The following LGALS3 variants were observed in gnomAD, a reference collection of about 807,000 sequenced individuals.
LGALS3 encodes the protein galectin 3.
A neutral mutation model predicts 20.7 loss-of-function variants in LGALS3; 18 were observed. The ratio of observed to expected loss-of-function variants is 0.87; its 90% confidence interval spans 0.60 to 1.29. LGALS3 has a LOEUF of 1.29. LGALS3 is among the 50% of genes most tolerant of loss of function. LGALS3 has a pLI of 0.00. For synonymous variants in LGALS3, 112 were observed against 119.6 expected (o/e 0.94, Z 0.42); for missense variants, 315 against 314.7 (o/e 1.00, Z -0.01).
chr14:55,137,108 TG>T, intron 1 of LGALS3: 1 of 563,070 alleles, frequency 1.8e-6, no homozygotes, highest in South Asian at 2.1e-5. Flanking sequence ...GGGCAGTTAG[TG>T]GGGACAGAGG....
At chr14:55,134,279 A>G (rs1234932356) in intron 1 of LGALS3, among the ~76,000 whole-genome samples, 2 of 152,238 alleles carry the variant, frequency 1.3e-5, no homozygotes, top group Admixed American at 6.5e-5. Flanking sequence ...GAAGCCAGCA[A>G]TGCTGCTGAA....
Position 55,138,208 on chromosome 14 carries a change from G to A in LGALS3, c.182G>A (p.Gly61Asp). Reference protein sequence around the residue: ...PGAYPGQAPPGAYPGAPGAYP... With the variant: ...PGAYPGQAPPDAYPGAPGAYP... ...GCTTATCCTGGACAGGCACCTCCAG[G>A]CGCCTACCCTGGAGCACCTGGAGCT... Residue 61 changes from glycine (G) to aspartate (D), a missense_variant, in exon 3 of 6, where the codon GGC becomes GAC. By Grantham distance (94) the Gly-to-Asp change is moderately conservative. Transcript: ENST00000254301. The A allele has an allele frequency of 6.2e-7, 1 of 1,612,964 alleles. No homozygotes were observed. Among genetic ancestry groups the A allele is most frequent in the Non-Finnish European group, 8.5e-7 (1 of 1,179,468 alleles).
At chr14:55,133,908 G>A (rs932893695) in intron 1 of LGALS3, among the ~76,000 whole-genome samples, 2 of 152,154 alleles carry the variant, frequency 1.3e-5, no homozygotes, top group African/African-American at 4.8e-5. Flanking sequence ...CCCTTTATAA[G>A]GCAAATTCAG....
intron 1 of LGALS3, among the ~76,000 whole-genome samples, chr14:55,135,961 A>G (rs542743598): frequency 2.6e-4 from 39 of 152,168 alleles, no homozygotes; most frequent in Non-Finnish European, 5.0e-4. Flanking sequence ...CAGGTGGGCA[A>G]ATCAAAGAGA....
In LGALS3 at chr14:55,145,391, T is replaced by A. The variant is rs753744803; in HGVS notation, c.*120T>A. On this transcript the variant is annotated 3_prime_UTR_variant, in exon 6 of 6. Coordinates refer to ENST00000254301, the MANE Select transcript of LGALS3 (RefSeq NM_002306.4). ...AATATCCCTCTTGTAAGTCATCTAC[T>A]TAATAAATATTACAGTGAATTACCT... is the stretch of plus-strand genomic sequence containing the variant. The A allele has an allele frequency of 6.6e-7, 1 of 1,513,922 alleles. No individual in the cohort carries two copies. The highest frequency in any genetic ancestry group is 1.2e-5 in the South Asian group (1 of 84,326). 93.8% of individuals were successfully genotyped at this position (1,513,922 alleles called of 1,614,324 possible). A position where few individuals can be genotyped will look rare whatever the true frequency, so the allele number is the denominator to read the frequency against.
chr14:55,130,280 G>T (rs1881187398), intron 1 of LGALS3, among the ~76,000 whole-genome samples: 1 of 152,228 alleles, frequency 6.6e-6, no homozygotes, highest in South Asian at 2.1e-4. Flanking sequence ...GGGACGCATG[G>T]TGGAGGCTGG....
At chr14:55,133,884 G>A (rs77320652) in intron 1 of LGALS3, among the ~76,000 whole-genome samples, 1,699 of 152,280 alleles carry the variant, frequency 0.011, 32 homozygotes, top group African/African-American at 0.039. Flanking sequence ...AATTTGAATA[G>A]AGTTATGTTA....
intron 2 of LGALS3, 182 bp downstream of exon 2, chr14:55,137,573 A>T: frequency 6.6e-7 from 1 of 1,518,564 alleles, no homozygotes; most frequent in Non-Finnish European, 8.8e-7. Flanking sequence ...TTTGGGAAGA[A>T]AGCCAGGCAG....
Position 55,138,329 on chromosome 14 carries a change from C to T in LGALS3, c.303C>T (p.Tyr101=). The change falls in exon 3 of 6, where the codon TAC becomes TAT. Residue 101 remains tyrosine (Y), a synonymous_variant. Coordinates refer to ENST00000254301, the MANE Select transcript of LGALS3 (RefSeq NM_002306.4). ...GACAGCCAAGTGCCACCGGAGCCTA[C>T]CCTGCCACTGGCCCCTATGGCGCCC... ...SSGQPSATGA[Y]PATGPYGAPA... 1 of 1,612,802 alleles carries T rather than the reference C, an allele frequency of 6.2e-7. No homozygotes were observed. Among genetic ancestry groups the T allele is most frequent in the Non-Finnish European group, 8.5e-7 (1 of 1,179,896 alleles).
At position 55,129,381 on chromosome 14, in the gene LGALS3, G is replaced by C. The variant is rs1349609693; in HGVS notation, c.-5+81G>C. On this transcript the variant is annotated intron_variant, in intron 1 of 5. Transcript: ENST00000254301. The surrounding 1 kb of genome is among the most constrained non-coding windows in gnomAD (Gnocchi z 5.3). ...CCGGGCGCTGCTTGGGGCGCGGTCC[G>C]GAGAGGGTTCGGCTCCCCGGGACCG... 6.6e-6 allele frequency: 1 copy of C among 152,074 alleles called. No individual in the cohort carries two copies. 9.4% of individuals were successfully genotyped at this position (152,074 alleles called of 1,614,324 possible).
intron 1 of LGALS3, among the ~76,000 whole-genome samples, chr14:55,135,560 GTTTT>G (rs762172869): frequency 3.8e-5 from 4 of 106,558 alleles, no homozygotes; most frequent in African/African-American, 1.3e-4. Flanking sequence ...ATATTTTATG[GTTTT>G]TTTTTTTTTT....
intron 3 of LGALS3, among the ~76,000 whole-genome samples, chr14:55,138,824 A>G (rs1881517051): frequency 1.3e-5 from 2 of 152,042 alleles, no homozygotes; most frequent in Admixed American, 6.6e-5. Context: ...GTTTTGAAAA[A>G]CCTTCTAAAG....
At chr14:55,137,284 C>A in intron 1 of LGALS3, 86 bp from the exon 2 acceptor site, 1 of 1,251,792 alleles carries the variant, frequency 8.0e-7, no homozygotes, top group Non-Finnish European at 1.2e-6. Flanking sequence ...TGGATTAGAA[C>A]TGCACAATGA....
In LGALS3 at chr14:55,145,139, C is replaced by T. The variant is rs1329438905; in HGVS notation, c.621C>T (p.Asp207=). The T allele has an allele frequency of 2.5e-6, 4 of 1,613,708 alleles. No individual in the cohort carries two copies. The Admixed American group carries it at 5.0e-5, about 20-fold the overall frequency. The part of the protein sequence containing the change: ...PFKIQVLVEP[D]HFKVAVNDAH... ...AGATACAAGTACTGGTTGAACCTGA[C>T]CACTTCAAGGTTGCAGTGAATGATG... Residue 207 remains aspartate (D), a synonymous_variant, in exon 6 of 6, where the codon GAC becomes GAT. Coordinates refer to ENST00000254301, the MANE Select transcript of LGALS3 (RefSeq NM_002306.4).
chr14:55,131,453 A>G (rs1881229513), intron 1 of LGALS3, among the ~76,000 whole-genome samples: 1 of 152,092 alleles, frequency 6.6e-6, no homozygotes, highest in Non-Finnish European at 1.5e-5. Flanking sequence ...TGCAGCCAAG[A>G]CCTTTGTTCA....
intron 4 of LGALS3, 37 bp downstream of exon 4, chr14:55,140,400 T>A: frequency 7.3e-7 from 1 of 1,367,132 alleles, no homozygotes; most frequent in Non-Finnish European, 1.0e-6. Context: ...ACTCTATTTG[T>A]AGATTGGTTT....
intron 3 of LGALS3, 200 bp downstream of exon 3, chr14:55,138,568 C>T (rs1202265712): frequency 5.6e-6 from 4 of 713,190 alleles, no homozygotes; most frequent in Admixed American, 2.1e-5. Flanking sequence ...TTTGAAGGCA[C>T]TGATAAAACT....
At chr14:55,133,113 ATGAG>A (rs1566780127) in intron 1 of LGALS3, among the ~76,000 whole-genome samples, 1 of 152,230 alleles carries the variant, frequency 6.6e-6, no homozygotes, top group Non-Finnish European at 1.5e-5. Context: ...GTAGTTACAG[ATGAG>A]TAAGTCAGAG....
In LGALS3 at chr14:55,134,106, G is replaced by C. The variant is rs1015011426; in HGVS notation, c.-4-3264G>C. On this transcript the variant is annotated intron_variant, in intron 1 of 5. Transcript: ENST00000254301. ...TTTTGGTAGAGACTGGGGTTTTGCT[G>C]TATTGCCCAGGCTGGTCTTGAACTC... Among the ~76,000 whole-genome samples the C allele has an allele frequency of 2.0e-5, 3 of 152,254 alleles. 1 individual carries two copies. Among genetic ancestry groups the C allele is most frequent in the African/African-American group, 7.2e-5 (3 of 41,552 alleles).
Sources: allele counts gnomAD v4.1 joint callset (sites outside exome capture counted in the v4.1 genomes callset), GRCh38; gene constraint gnomAD v4.1.1; non-coding constraint Gnocchi (gnomAD v3.1); transcripts MANE v1.5; gene names NCBI Gene and HGNC (gene_info 2026-07-23, HGNC 2026-07-21).